The following EPC2 variants were observed in gnomAD, a reference collection of about 807,000 sequenced individuals.
EPC2 encodes enhancer of polycomb 2.
In EPC2, 14 loss-of-function variants were observed where a neutral mutation model predicts 92.1. The observed-to-expected ratio is 0.15, with a 90% CI of 0.10 to 0.24. The LOEUF (loss-of-function observed/expected upper bound fraction) is 0.24, where lower values mean the gene tolerates loss of function less well. EPC2 is among the 10% of genes least tolerant of loss of function. The probability of loss-of-function intolerance (pLI) is 1.00; values close to 1 mark genes in which losing one functional copy is unlikely to be tolerated. For missense variants in EPC2, 755 were observed against 971.5 expected (o/e 0.78, Z 2.96); for synonymous variants, 340 against 334.7 (o/e 1.02, Z -0.17).
At chr2:148,737,063 A>G in intron 2 of EPC2, among the ~76,000 whole-genome samples, 1 of 152,120 alleles carries the variant, frequency 6.6e-6, no homozygotes, top group East Asian at 1.9e-4. Flanking sequence ...GTGCCATTGC[A>G]CTCCAGCCTG....
intron 10 of EPC2, among the ~76,000 whole-genome samples, chr2:148,774,376 C>T (rs1458568203): frequency 2.0e-5 from 3 of 151,978 alleles, no homozygotes; most frequent in African/African-American, 4.8e-5. Context: ...CCTGTAATCC[C>T]AGCATTTTGG....
At chr2:148,721,783 C>A (rs1682379289) in intron 2 of EPC2, among the ~76,000 whole-genome samples, 1 of 148,512 alleles carries the variant, frequency 6.7e-6, no homozygotes, top group Admixed American at 6.7e-5. Context: ...TACCAGGCTC[C>A]AAGATTGTTC....
chr2:148,676,586 C>T (rs752190813), intron 1 of EPC2, among the ~76,000 whole-genome samples: 1 of 151,868 alleles, frequency 6.6e-6, no homozygotes, highest in Non-Finnish European at 1.5e-5. Context: ...AGGCTCCTTT[C>T]TCTACATATA....
rs911525597 is a variant in EPC2 at position 148,771,892 on chromosome 2, G to A, written c.1720+505G>A. On this transcript the variant is annotated intron_variant, in intron 10 of 13. Transcript: ENST00000258484. Reference sequence around the variant, plus strand: ...CAGCTCACTGCAACCTCTGCCTCCCGGGTTCAAGCGATTCTCCTGTCTCAG... The same window carrying A: ...CAGCTCACTGCAACCTCTGCCTCCCAGGTTCAAGCGATTCTCCTGTCTCAG... Among the ~76,000 whole-genome samples the A allele has an allele frequency of 9.2e-5, 14 of 151,686 alleles. No homozygotes were observed. The East Asian group carries it at 9.7e-4, about 10-fold the overall frequency.
intron 4 of EPC2, among the ~76,000 whole-genome samples, chr2:148,759,473 A>G (rs1430477959): frequency 1.3e-5 from 2 of 152,246 alleles, no homozygotes; most frequent in African/African-American, 2.4e-5. Context: ...TGTAAAGGAC[A>G]TTAGTGGGAC....
chr2:148,765,701 T>C (rs1339230782), intron 7 of EPC2, among the ~76,000 whole-genome samples: 1 of 152,208 alleles, frequency 6.6e-6, no homozygotes, highest in Non-Finnish European at 1.5e-5. Flanking sequence ...TTAAAAAATA[T>C]TTTTATAAGT....
chr2:148,708,882 A>C (rs970286612), intron 2 of EPC2, among the ~76,000 whole-genome samples: 4 of 152,326 alleles, frequency 2.6e-5, no homozygotes, highest in African/African-American at 9.6e-5. Context: ...ACCCACAGCC[A>C]GTATCATAGT....
intron 2 of EPC2, among the ~76,000 whole-genome samples, chr2:148,728,940 G>A (rs1429204459): frequency 6.9e-6 from 1 of 145,532 alleles, no homozygotes; most frequent in Non-Finnish European, 1.5e-5. Context: ...GCTGAGGCAG[G>A]AGAATGGTGT....
At chr2:148,722,629 A>G (rs114283643) in intron 2 of EPC2, among the ~76,000 whole-genome samples, 3,833 of 152,292 alleles carry the variant, frequency 0.025, 55 homozygotes, top group East Asian at 0.032. Flanking sequence ...TTCTCAAAGA[A>G]CTCAAAGCAG....
Position 148,644,944 on chromosome 2 carries a change from C to A in EPC2, c.-74C>A. On this transcript the variant is annotated 5_prime_UTR_variant, in exon 1 of 14. Transcript: ENST00000258484. The stretch of plus-strand genomic sequence containing the variant: ...GCACTGAGGAAGGAGGTGGAGGAGG[C>A]GGCGGGAGTCCTCCCCCCCTCCCCG... The A allele has an allele frequency of 7.9e-7, 1 of 1,262,512 alleles. No homozygotes were observed. The highest frequency in any genetic ancestry group is 1.1e-6 in the Non-Finnish European group (1 of 895,784). The allele number at this position is 1,262,512 out of a possible 1,614,324, so 78.2% of individuals were successfully genotyped here.
At chr2:148,652,635 C>T (rs1045728668) in intron 1 of EPC2, among the ~76,000 whole-genome samples, 1 of 152,182 alleles carries the variant, frequency 6.6e-6, no homozygotes, top group Non-Finnish European at 1.5e-5. Flanking sequence ...TGTCTATCTA[C>T]TGGCATATTG....
At chr2:148,701,891 T>A (rs1262066459) in intron 2 of EPC2, among the ~76,000 whole-genome samples, 1 of 152,200 alleles carries the variant, frequency 6.6e-6, no homozygotes, top group African/African-American at 2.4e-5. Context: ...GATTTGACTC[T>A]ACTTATTATA....
intron 4 of EPC2, among the ~76,000 whole-genome samples, chr2:148,754,345 T>G (rs1004927392): frequency 1.3e-5 from 2 of 152,186 alleles, no homozygotes; most frequent in African/African-American, 4.8e-5. Flanking sequence ...TTCAGTAGCT[T>G]CTATTGGCCA....
intron 2 of EPC2, among the ~76,000 whole-genome samples, chr2:148,727,792 T>G (rs528835327): frequency 1.8e-4 from 27 of 152,282 alleles, no homozygotes; most frequent in African/African-American, 6.3e-4. Flanking sequence ...AAAATTATCT[T>G]TAGATTCACA....
intron 1 of EPC2, among the ~76,000 whole-genome samples, chr2:148,663,531 T>C (rs2105356429): frequency 6.6e-6 from 1 of 151,238 alleles, no homozygotes; most frequent in South Asian, 2.1e-4. Context: ...TTTTTTGTAT[T>C]ATTTAATGCA....
At chr2:148,686,374 C>T (rs577174573) in intron 1 of EPC2, among the ~76,000 whole-genome samples, 1 of 152,330 alleles carries the variant, frequency 6.6e-6, no homozygotes, top group East Asian at 1.9e-4. Flanking sequence ...GCCATTTCCA[C>T]TACATCTTCA....
At chr2:148,707,754 T>C (rs1177547522) in intron 2 of EPC2, among the ~76,000 whole-genome samples, 1 of 151,986 alleles carries the variant, frequency 6.6e-6, no homozygotes, top group African/African-American at 2.4e-5. Context: ...GACTACTGGG[T>C]ACATAACAAA....
intron 2 of EPC2, among the ~76,000 whole-genome samples, chr2:148,705,707 C>CAG (rs199848310): frequency 0.026 from 3,934 of 152,260 alleles, 58 homozygotes; most frequent in East Asian, 0.032. Context: ...CCCAAGCAAA[C>CAG]GGTCTGGAGT....
rs1481796022 is a variant in EPC2 at position 148,742,106 on chromosome 2, TA to T, written c.314-1513del. Reference sequence around the variant, plus strand: ...TCAGTCTATATATTCCATGTATGTGTAAACTATCATTTATCTAATCCTACAC... The same window carrying T: ...TCAGTCTATATATTCCATGTATGTGTAACTATCATTTATCTAATCCTACAC... On this transcript the variant is annotated intron_variant, in intron 2 of 13. Coordinates refer to ENST00000258484, the MANE Select transcript of EPC2 (RefSeq NM_015630.4). 1.1e-3 allele frequency among the ~76,000 whole-genome samples: 162 copies of T among 152,340 alleles called. 1 individual carries two copies. The highest frequency in any genetic ancestry group is 3.7e-3 in the African/African-American group (155 of 41,584).
Sources: gnomAD v4.1 joint callset for allele counts (sites outside exome capture counted in the v4.1 genomes callset) on GRCh38, gnomAD v4.1.1 for gene constraint, MANE v1.5 for transcripts, NCBI Gene and HGNC (gene_info 2026-07-23, HGNC 2026-07-21) for gene names.